Variants in STAG1 observed in about 807,000 individuals in gnomAD.
STAG1 encodes STAG1 cohesin complex component.
Under a neutral mutation model 170.9 loss-of-function variants are expected in STAG1, and 26 were observed. The observed-to-expected ratio is 0.15, with a 90% CI of 0.11 to 0.21. The LOEUF is 0.21. STAG1 is among the 10% of genes least tolerant of loss of function. STAG1 has a pLI of 1.00. For synonymous variants in STAG1, 514 were observed against 497.7 expected, an observed-to-expected ratio of 1.03 and a Z score of -0.44; for missense variants, 964 against 1,509.5, an observed-to-expected ratio of 0.64 and a Z score of 5.99.
At chr3:136,641,231 T>C (rs943241450) in intron 1 of STAG1, among the ~76,000 whole-genome samples, 2 of 152,116 alleles carry the variant, frequency 1.3e-5, no homozygotes, top group African/African-American at 4.8e-5. Flanking sequence ...TTGAGGAACA[T>C]CACAATATTT....
chr3:136,673,920 T>C (rs933988976), intron 1 of STAG1, among the ~76,000 whole-genome samples: 2 of 151,466 alleles, frequency 1.3e-5, no homozygotes, highest in South Asian at 2.1e-4. Flanking sequence ...CTGGGTAACA[T>C]GGCAAAACCC....
At chr3:136,446,808 ATAT>A (rs1482313778) in intron 14 of STAG1, among the ~76,000 whole-genome samples, 1 of 149,362 alleles carries the variant, frequency 6.7e-6, no homozygotes, top group African/African-American at 2.5e-5. Flanking sequence ...TTTCTCTTTC[ATAT>A]TTTTTTTTTT....
chr3:136,647,001 T>C (rs536719364), intron 1 of STAG1, among the ~76,000 whole-genome samples: 64 of 152,198 alleles, frequency 4.2e-4, no homozygotes, highest in Non-Finnish European at 8.1e-4. Flanking sequence ...ATGTTTGAGA[T>C]GATACACATG....
chr3:136,442,685 G>A (rs2088666300), intron 15 of STAG1, among the ~76,000 whole-genome samples: 1 of 137,930 alleles, frequency 7.3e-6, no homozygotes, highest in South Asian at 2.3e-4. Flanking sequence ...AAAAATTCTG[G>A]ATGTACTTAA....
chr3:136,492,097 C>T (rs1248937704), intron 9 of STAG1, among the ~76,000 whole-genome samples: 1 of 152,162 alleles, frequency 6.6e-6, no homozygotes, highest in African/African-American at 2.4e-5. Context: ...CTGCATAGTA[C>T]CTACTACTTC....
intron 30 of STAG1, among the ~76,000 whole-genome samples, chr3:136,343,446 G>A (rs534581118): frequency 6.6e-6 from 1 of 152,288 alleles, no homozygotes; most frequent in African/African-American, 2.4e-5. Flanking sequence ...GGATGATAAA[G>A]CTAAATACAG....
At chr3:136,735,153 T>C (rs1358263615) in intron 1 of STAG1, among the ~76,000 whole-genome samples, 4 of 152,134 alleles carry the variant, frequency 2.6e-5, no homozygotes, top group African/African-American at 9.7e-5. Flanking sequence ...CTTCCGCTCT[T>C]GTTGCCCAGG....
chr3:136,543,355 G>T (rs1176610849), intron 5 of STAG1, among the ~76,000 whole-genome samples: 2 of 152,154 alleles, frequency 1.3e-5, no homozygotes, highest in Admixed American at 6.5e-5. Context: ...TTATCAATAT[G>T]CACTCAGTAG....
chr3:136,358,736 G>A (rs1209672970), intron 27 of STAG1, among the ~76,000 whole-genome samples: 2 of 151,860 alleles, frequency 1.3e-5, no homozygotes, highest in African/African-American at 4.8e-5. Context: ...CACTATGCCT[G>A]GCTCATTTTT....
Position 136,338,100 on chromosome 3 carries a change from C to G in STAG1, c.*154G>C. The stretch of plus-strand genomic sequence containing the variant: ...TCCCTTGGGTAATTTACATGCTCCT[C>G]TTCTGTCACTGCAAAAAGGGATTGA... On this transcript the variant is annotated 3_prime_UTR_variant, in exon 34 of 34. Transcript: ENST00000383202. 1 of 604,860 alleles carries G rather than the reference C, an allele frequency of 1.7e-6. No homozygotes were observed. Among genetic ancestry groups the G allele is most frequent in the South Asian group, 2.2e-5 (1 of 44,614 alleles). 37.5% of individuals were successfully genotyped at this position (604,860 alleles called of 1,614,324 possible). A position where few individuals can be genotyped will look rare whatever the true frequency, so the allele number is the denominator to read the frequency against.
intron 1 of STAG1, among the ~76,000 whole-genome samples, chr3:136,723,946 C>T (rs1308561675): frequency 2.7e-5 from 4 of 147,834 alleles, no homozygotes; most frequent in Admixed American, 6.7e-5. Flanking sequence ...GTCAGCCCCC[C>T]GCCAGGCCAG....
At chr3:136,404,498 A>G (rs150921259) in intron 21 of STAG1, among the ~76,000 whole-genome samples, 62 of 151,840 alleles carry the variant, frequency 4.1e-4, no homozygotes, top group African/African-American at 1.4e-3. Context: ...TTAACACCCT[A>G]CTCCCCCTAA....
At chr3:136,705,604 G>A (rs1943207524) in intron 1 of STAG1, among the ~76,000 whole-genome samples, 1 of 152,116 alleles carries the variant, frequency 6.6e-6, no homozygotes, top group Non-Finnish European at 1.5e-5. Flanking sequence ...TCGTGATAAT[G>A]AATATAAGTC....
rs955364799 is a variant in STAG1 at position 136,337,734 on chromosome 3, A to G, written c.*520T>C. 3 of 152,740 alleles carry G rather than the reference A, an allele frequency of 2.0e-5. No homozygotes were observed. Among genetic ancestry groups the G allele is most frequent in the Admixed American group, 6.5e-5 (1 of 15,274 alleles). The allele number at this position is 152,740 out of a possible 1,614,324, so 9.5% of individuals were successfully genotyped here. On this transcript the variant is annotated 3_prime_UTR_variant, in exon 34 of 34. Transcript: ENST00000383202. Reference sequence around the variant, plus strand: ...CATTATTTGTGTTCCACAAAGGTCAACCAAATCCAGTGAACTCCAAAACAC... The same window carrying G: ...CATTATTTGTGTTCCACAAAGGTCAGCCAAATCCAGTGAACTCCAAAACAC...
chr3:136,613,198 G>T (rs1939389617), intron 3 of STAG1, among the ~76,000 whole-genome samples: 1 of 151,348 alleles, frequency 6.6e-6, no homozygotes. Context: ...CCAGCTACTT[G>T]GGAGGCTGAG....
intron 5 of STAG1, among the ~76,000 whole-genome samples, chr3:136,549,737 T>A (rs909088135): frequency 6.6e-5 from 10 of 151,848 alleles, no homozygotes; most frequent in African/African-American, 2.4e-4. Flanking sequence ...AGAGTGGGCA[T>A]CCTCACCTTG....
intron 1 of STAG1, among the ~76,000 whole-genome samples, chr3:136,684,530 A>G (rs1286366990): frequency 6.6e-6 from 1 of 152,148 alleles, no homozygotes; most frequent in Non-Finnish European, 1.5e-5. Context: ...CAGGTGGATC[A>G]CTTGAGGTCC....
intron 9 of STAG1, 47 bp from the exon 10 acceptor site, chr3:136,477,459 G>C (rs750241361): frequency 6.6e-7 from 1 of 1,510,382 alleles, no homozygotes; most frequent in Non-Finnish European, 8.9e-7. Context: ...TACAAAGCTA[G>C]AATGCATTCA....
Position 136,477,292 on chromosome 3 carries a change from G to A in STAG1, c.1023C>T (p.Asp341=), listed in dbSNP as rs770400156. 1.5e-5 allele frequency: 24 copies of A among 1,611,550 alleles called. No individual in the cohort carries two copies. Among genetic ancestry groups the A allele is most frequent in the South Asian group, 4.4e-5 (4 of 90,584 alleles). The change falls in exon 10 of 34, where the codon GAC becomes GAT. Residue 341 remains aspartate (D), a synonymous_variant. Transcript: ENST00000383202. The part of the protein sequence containing the change: ...YLKYVGWTLH[D]RQGEVRLKCL... ...AGCTTAGAACAGAGTAACTTACCCTGTCATGAAGAGTCCAGCCAACATATT... is the reference window on the plus strand; with the variant it reads ...AGCTTAGAACAGAGTAACTTACCCTATCATGAAGAGTCCAGCCAACATATT...
Sources: allele counts gnomAD v4.1 joint callset (sites outside exome capture counted in the v4.1 genomes callset), GRCh38; gene constraint gnomAD v4.1.1; transcripts MANE v1.5; gene names NCBI Gene and HGNC (gene_info 2026-07-23, HGNC 2026-07-21).